The following ABCA1 variants were observed in gnomAD, a reference collection of about 807,000 sequenced individuals.
The protein encoded by ABCA1 is phospholipid-transporting ATPase ABCA1.
ABCA1 carries 133 observed loss-of-function variants against 262.5 expected under a neutral mutation model. The observed-to-expected ratio is 0.51, with a 90% CI of 0.44 to 0.59. The LOEUF is 0.59. Among genes scored for constraint, ABCA1 ranks in the 20% least tolerant of loss-of-function variants. The probability of loss-of-function intolerance (pLI) is 0.00; values close to 1 mark genes in which losing one functional copy is unlikely to be tolerated. For synonymous variants in ABCA1, 1,022 were observed against 1,043.5 expected, an observed-to-expected ratio of 0.98 and a Z score of 0.40; for missense variants, 2,452 against 2,777.5, an observed-to-expected ratio of 0.88 and a Z score of 2.63.
intron 46 of ABCA1, 89 bp from the exon 47 acceptor site, chr9:104,787,065 C>A: frequency 8.9e-7 from 1 of 1,119,908 alleles, no homozygotes; most frequent in Non-Finnish European, 1.3e-6. Context: ...ATCTTTGAAA[C>A]AGCTTAAATT....
rs1831396953 is a variant in ABCA1, at chr9:104,812,829, A to C, written c.3902-107T>G. 3 of 1,438,876 alleles carry C rather than the reference A, an allele frequency of 2.1e-6. No homozygotes were observed. The East Asian group carries it at 6.8e-5, about 33-fold the overall frequency. 89.1% of individuals were successfully genotyped at this position (1,438,876 alleles called of 1,614,324 possible). A position where few individuals can be genotyped will look rare whatever the true frequency, so the allele number is the denominator to read the frequency against. On this transcript the variant is annotated intron_variant, in intron 27 of 49. Coordinates refer to ENST00000374736, the MANE Select transcript of ABCA1 (RefSeq NM_005502.4). The stretch of plus-strand genomic sequence containing the variant: ...CAACTATCTTGAAGGCATGTGTCTG[A>C]AGCTAGAAGTTTCTCAGAAGTAAAG...
intron 2 of ABCA1, 193 bp from the exon 3 acceptor site, chr9:104,889,388 T>C: frequency 1.0e-6 from 1 of 984,714 alleles, no homozygotes; most frequent in African/African-American, 1.7e-5. Flanking sequence ...CATATACCTC[T>C]GTGTCTTCCC....
chr9:104,809,376 A>G lies in ABCA1; in HGVS notation c.4274+90T>C, dbSNP rs981134269. Reference sequence around the variant, plus strand: ...CAAAGGGCAAATGCTGGCGGTCACAATGTGGCATGCAGTTGATAAATGCAG... The same window carrying G: ...CAAAGGGCAAATGCTGGCGGTCACAGTGTGGCATGCAGTTGATAAATGCAG... On this transcript the variant is annotated intron_variant, in intron 30 of 49. Transcript: ENST00000374736. 50 of 1,227,202 alleles carry G rather than the reference A, an allele frequency of 4.1e-5. 1 individual carries two copies. Among genetic ancestry groups the G allele is most frequent in the African/African-American group, 3.0e-4 (20 of 67,072 alleles). 76.0% of individuals were successfully genotyped at this position (1,227,202 alleles called of 1,614,324 possible).
At position 104,793,280 on chromosome 9, in the gene ABCA1, G is replaced by T; in HGVS notation, c.5527C>A (p.Pro1843Thr). 6.2e-7 allele frequency: 1 copy of T among 1,614,088 alleles called. No homozygotes were observed. Among genetic ancestry groups the T allele is most frequent in the Non-Finnish European group, 8.5e-7 (1 of 1,180,002 alleles). ...CGTCCCACCAAGTCCCAAGATAATG[G>T]TGACACAAAGCGATTCTCCCCTAGT... ...ERFGENRFVS[P>T]LSWDLVGRNL... The change falls in exon 41 of 50, where the codon CCA becomes ACA. Residue 1843 changes from proline to threonine, a missense_variant. Around this residue, in one of 4 missense-constraint regions of ABCA1, gnomAD observed 752 missense variants for 944.5 expected, o/e 0.80. Transcript: ENST00000374736.
intron 14 of ABCA1, among the ~76,000 whole-genome samples, chr9:104,829,853 C>CTATAGA (rs540675897): frequency 5.1e-4 from 77 of 151,566 alleles, no homozygotes; most frequent in Non-Finnish European, 9.0e-4. Context: ...CCTTGAAAAG[C>CTATAGA]TATAGATAGC....
At chr9:104,822,332 G>T (rs114493749) in intron 19 of ABCA1, among the ~76,000 whole-genome samples, 164 bp downstream of exon 19, 1 of 152,190 alleles carries the variant, frequency 6.6e-6, no homozygotes, top group Non-Finnish European at 1.5e-5. Flanking sequence ...AAACTAGCAC[G>T]TGGAAAGACA....
At chr9:104,791,883 A>G in intron 43 of ABCA1, 53 bp downstream of exon 43, 2 of 1,528,576 alleles carry the variant, frequency 1.3e-6, no homozygotes. Context: ...TTGATTGGGT[A>G]GAGATAGTCT....
At chr9:104,886,322 A>T (rs142093221) in intron 3 of ABCA1, among the ~76,000 whole-genome samples, 2 of 152,304 alleles carry the variant, frequency 1.3e-5, no homozygotes, top group Non-Finnish European at 2.9e-5. Flanking sequence ...GCATTTCAAT[A>T]TAGGGTCTTT....
rs1459448586 is a variant in ABCA1 at position 104,781,269 on chromosome 9, C to T, written c.*3046G>A. 1.3e-5 allele frequency: 2 copies of T among 152,444 alleles called. No individual in the cohort carries two copies. The highest frequency in any genetic ancestry group is 1.5e-5 in the Non-Finnish European group (1 of 67,998). 9.4% of individuals were successfully genotyped at this position (152,444 alleles called of 1,614,324 possible). A position where few individuals can be genotyped will look rare whatever the true frequency, so the allele number is the denominator to read the frequency against. On this transcript the variant is annotated 3_prime_UTR_variant, in exon 50 of 50. Transcript: ENST00000374736. ...GAGGGCCAATGATGAACAAAGAGCA[C>T]AAAAACAGCTTCATCTTAGGGTATA...
intron 7 of ABCA1, chr9:104,855,702 C>G (rs934549671): frequency 5.2e-6 from 8 of 1,533,100 alleles, no homozygotes; most frequent in Non-Finnish European, 7.0e-6. Flanking sequence ...CTGAGGCTTA[C>G]AGGGACTAAA....
intron 12 of ABCA1, 152 bp downstream of exon 12, chr9:104,832,422 T>A (rs1432621066): frequency 1.2e-6 from 1 of 842,062 alleles, no homozygotes; most frequent in Non-Finnish European, 1.9e-6. Context: ...TAAGTGCCTT[T>A]TGTTATCAAA....
At chr9:104,906,615 C>T (rs905266948) in intron 1 of ABCA1, among the ~76,000 whole-genome samples, 7 of 152,016 alleles carry the variant, frequency 4.6e-5, no homozygotes, top group Non-Finnish European at 1.0e-4. Flanking sequence ...ACTCAGAACA[C>T]AATGATCAAT....
rs750308333 is a variant in ABCA1, at chr9:104,845,607, T to A, written c.721-38A>T. ...AGAAAACTTTGTTTCTGAATTCAAA[T>A]GTAAACCTGAAATCTCTATTGGAAA... On this transcript the variant is annotated intron_variant, in intron 7 of 49. Coordinates refer to ENST00000374736, the MANE Select transcript of ABCA1 (RefSeq NM_005502.4). The A allele has an allele frequency of 2.9e-6, 4 of 1,362,968 alleles. No homozygotes were observed. In the South Asian group the frequency reaches 3.5e-5, roughly 12 times the overall value. The allele number at this position is 1,362,968 out of a possible 1,614,324, so 84.4% of individuals were successfully genotyped here.
chr9:104,810,942 A>G lies in ABCA1; in HGVS notation c.4051-18T>C. ...AAGACAATCTTTACCCAGGCAGTGG[A>G]GGGGGCAGGGGGACAGCAGGAAACG... On this transcript the variant is annotated intron_variant, in intron 28 of 49. Coordinates refer to ENST00000374736, the MANE Select transcript of ABCA1 (RefSeq NM_005502.4). 1 of 1,614,020 alleles carries G rather than the reference A, an allele frequency of 6.2e-7. No homozygotes were observed. Among genetic ancestry groups the G allele is most frequent in the Non-Finnish European group, 8.5e-7 (1 of 1,179,970 alleles).
intron 8 of ABCA1, among the ~76,000 whole-genome samples, chr9:104,844,765 C>G (rs904667259): frequency 2.0e-5 from 3 of 152,212 alleles, no homozygotes; most frequent in Non-Finnish European, 4.4e-5. Context: ...TGCCCCCTGG[C>G]TCAGCTTCCT....
At position 104,799,831 on chromosome 9, in the gene ABCA1, G is replaced by A. The variant is rs1360878993; in HGVS notation, c.4931C>T (p.Ser1644Leu). The A allele has an allele frequency of 1.9e-6, 3 of 1,614,164 alleles. No individual in the cohort carries two copies. The South Asian group carries it at 3.3e-5, about 18-fold the overall frequency. ...CAGCCACACTTACAGAGCCACCTCT[G>A]AGAGCTGCTGCTTGGTGAGATTCAG... ...HPLNLTKQQL[S>L]EVALMTTSVD... The change falls in exon 36 of 50, where the codon TCA (serine) becomes TTA (leucine). Residue 1644 changes from serine to leucine, a missense_variant. Ser to Leu is a moderately radical substitution (Grantham distance 145). This residue lies in a region of ABCA1 where 752 missense variants were observed against 944.5 expected (regional missense o/e 0.80). Coordinates refer to ENST00000374736, the MANE Select transcript of ABCA1 (RefSeq NM_005502.4).
At chr9:104,911,104 GTCTTATA>G (rs1291167014) in intron 1 of ABCA1, among the ~76,000 whole-genome samples, 3 of 152,194 alleles carry the variant, frequency 2.0e-5, no homozygotes, top group African/African-American at 7.2e-5. Flanking sequence ...TGTTCTAGAT[GTCTTATA>G]TCAAAAACAG....
rs927197554 is a variant in ABCA1, at chr9:104,828,389, T to G, written c.2115+527A>C. On this transcript the variant is annotated intron_variant, in intron 15 of 49. Coordinates refer to ENST00000374736, the MANE Select transcript of ABCA1 (RefSeq NM_005502.4). ...TATTCTCTAGAGTGCCCCACGGGGT[T>G]GGCCCTATATCACAGTTCAACTCCT... is the stretch of plus-strand genomic sequence containing the variant. Among the ~76,000 whole-genome samples, 3 of 152,226 alleles carry G rather than the reference T, an allele frequency of 2.0e-5. No homozygotes were observed. In the East Asian group the frequency reaches 5.8e-4, roughly 29 times the overall value.
Position 104,818,977 on chromosome 9 carries a change from A to G in ABCA1, c.3242-94T>C, listed in dbSNP as rs759969733. On this transcript the variant is annotated intron_variant, in intron 22 of 49. Coordinates refer to ENST00000374736, the MANE Select transcript of ABCA1 (RefSeq NM_005502.4). ...GGACTAGAGAGATATTAGCAGGGGTAAGCACTGGAAGAGACCTGGAAGCCA... is the reference window on the plus strand; with the variant it reads ...GGACTAGAGAGATATTAGCAGGGGTGAGCACTGGAAGAGACCTGGAAGCCA... 719 of 1,237,126 alleles carry G rather than the reference A, an allele frequency of 5.8e-4. 1 individual carries two copies. Among genetic ancestry groups the G allele is most frequent in the Non-Finnish European group, 8.1e-4 (699 of 862,860 alleles). The allele number at this position is 1,237,126 out of a possible 1,614,324, so 76.6% of individuals were successfully genotyped here. A position where few individuals can be genotyped will look rare whatever the true frequency, so the allele number is the denominator to read the frequency against.
Sources: allele counts gnomAD v4.1 joint callset (sites outside exome capture counted in the v4.1 genomes callset), GRCh38; gene constraint gnomAD v4.1.1; regional missense constraint gnomAD v4.1.1; transcripts MANE v1.5; gene names NCBI Gene and HGNC (gene_info 2026-07-23, HGNC 2026-07-21).